KAZN: variants seen among roughly 807,000 people sequenced by gnomAD.
KAZN encodes kazrin, periplakin interacting protein, also known as kazrin.
A neutral mutation model predicts 87.4 loss-of-function variants in KAZN; 40 were observed. The ratio of observed to expected loss-of-function variants is 0.46; its 90% confidence interval spans 0.36 to 0.60. KAZN has a LOEUF of 0.60. KAZN is among the 20% of genes least tolerant of loss of function. KAZN has a pLI of 0.00. For missense variants in KAZN, 898 were observed against 1,073.9 expected, an observed-to-expected ratio of 0.84 and a Z score of 2.29; for synonymous variants, 466 against 458.3, an observed-to-expected ratio of 1.02 and a Z score of -0.22.
At chr1:14,701,405 A>G (rs763535685) in intron 1 of KAZN, among the ~76,000 whole-genome samples, 1 of 152,096 alleles carries the variant, frequency 6.6e-6, no homozygotes, top group Non-Finnish European at 1.5e-5. Flanking sequence ...TGTTGGGATT[A>G]CAGGCATGAG....
At chr1:14,951,270 G>A (rs1228101757) in intron 1 of KAZN, among the ~76,000 whole-genome samples, 2 of 152,048 alleles carry the variant, frequency 1.3e-5, no homozygotes, top group Non-Finnish European at 2.9e-5. Flanking sequence ...CCTGGGCAGT[G>A]GGCTCTGCCG....
chr1:14,385,427 CCTG>C (rs1661788612), intron 2 of KAZN, among the ~76,000 whole-genome samples: 1 of 152,042 alleles, frequency 6.6e-6, no homozygotes, highest in African/African-American at 2.4e-5. Context: ...TTGGATCTTT[CCTG>C]CTTTCTCTTG....
chr1:14,628,727 G>T (rs1679330400), intron 1 of KAZN, among the ~76,000 whole-genome samples: 1 of 152,146 alleles, frequency 6.6e-6, no homozygotes, highest in African/African-American at 2.4e-5. Context: ...CAGAGATGAG[G>T]AATCCAGAAA....
intron 2 of KAZN, among the ~76,000 whole-genome samples, chr1:14,503,829 G>C (rs1386634753): frequency 6.6e-6 from 1 of 152,124 alleles, no homozygotes. Flanking sequence ...GGGGCTCACT[G>C]CATTCCTCAG....
chr1:13,969,431 A>G (rs901775247), intron 1 of KAZN, among the ~76,000 whole-genome samples: 2 of 152,206 alleles, frequency 1.3e-5, no homozygotes, highest in African/African-American at 2.4e-5. Flanking sequence ...AGACTTTAGG[A>G]TGATGCCTCT....
At chr1:14,428,355 A>G (rs773645498) in intron 2 of KAZN, among the ~76,000 whole-genome samples, 1 of 152,162 alleles carries the variant, frequency 6.6e-6, no homozygotes, top group African/African-American at 2.4e-5. Flanking sequence ...ACTTTTTCTC[A>G]GCAGAAATCT....
At chr1:15,067,557 C>A in intron 8 of KAZN, 6 of 985,454 alleles carry the variant, frequency 6.1e-6, no homozygotes, top group Non-Finnish European at 7.2e-6. Context: ...CAACAGTAGT[C>A]GTGCTTTCTG....
intron 2 of KAZN, among the ~76,000 whole-genome samples, chr1:14,531,958 G>A (rs1489432784): frequency 1.3e-5 from 2 of 152,142 alleles, no homozygotes; most frequent in East Asian, 3.9e-4. Flanking sequence ...GGGATGTGCT[G>A]GACTCCCATC....
intron 1 of KAZN, among the ~76,000 whole-genome samples, chr1:14,748,374 A>G (rs927493148): frequency 1.3e-5 from 2 of 152,140 alleles, no homozygotes; most frequent in Non-Finnish European, 2.9e-5. Flanking sequence ...GCATCATCGC[A>G]TGGCTGGGAG....
At chr1:14,691,349 C>T (rs994095593) in intron 1 of KAZN, among the ~76,000 whole-genome samples, 6 of 152,198 alleles carry the variant, frequency 3.9e-5, no homozygotes, top group African/African-American at 1.2e-4. Context: ...CACATGCACA[C>T]AAACTCTACA....
At chr1:14,904,585 T>A (rs529641656) in intron 1 of KAZN, among the ~76,000 whole-genome samples, 84 of 152,316 alleles carry the variant, frequency 5.5e-4, no homozygotes, top group African/African-American at 2.0e-3. Flanking sequence ...GACAGGCCCG[T>A]GCGCCACATG....
At chr1:14,290,190 G>A (rs910170436) in intron 2 of KAZN, among the ~76,000 whole-genome samples, 1 of 152,112 alleles carries the variant, frequency 6.6e-6, no homozygotes, top group Non-Finnish European at 1.5e-5. Context: ...TCTTTGTGGT[G>A]TTCTCTGTAT....
At chr1:14,745,885 G>A (rs1050324536) in intron 1 of KAZN, among the ~76,000 whole-genome samples, 3 of 152,266 alleles carry the variant, frequency 2.0e-5, no homozygotes, top group Non-Finnish European at 2.9e-5. Flanking sequence ...CATTTGTCAC[G>A]AGTGGGCTTT....
intron 2 of KAZN, among the ~76,000 whole-genome samples, chr1:14,518,248 T>G (rs1671399877): frequency 7.3e-6 from 1 of 136,610 alleles, no homozygotes; most frequent in Non-Finnish European, 1.5e-5. Flanking sequence ...TGGCACAATC[T>G]CCACTGCAAC....
intron 2 of KAZN, among the ~76,000 whole-genome samples, chr1:14,227,318 G>A (rs1292715404): frequency 1.3e-5 from 2 of 152,150 alleles, no homozygotes; most frequent in African/African-American, 2.4e-5. Context: ...AAGGAGCACA[G>A]TGAGAATGGT....
intron 2 of KAZN, among the ~76,000 whole-genome samples, chr1:15,026,022 G>GAA (rs142511499): frequency 6.7e-6 from 1 of 149,918 alleles, no homozygotes; most frequent in African/African-American, 2.5e-5. Flanking sequence ...CTTTGAAACG[G>GAA]AAAAAAAAAC....
intron 1 of KAZN, among the ~76,000 whole-genome samples, chr1:14,839,572 T>G (rs1432963607): frequency 1.3e-5 from 2 of 152,166 alleles, no homozygotes; most frequent in Non-Finnish European, 2.9e-5. Context: ...AACCAAGATA[T>G]CCTTCCCTGT....
chr1:14,861,572 C>A (rs1261009367), intron 1 of KAZN, among the ~76,000 whole-genome samples: 1 of 152,170 alleles, frequency 6.6e-6, no homozygotes, highest in African/African-American at 2.4e-5. Flanking sequence ...CTATCCACCA[C>A]CATTCATTAC....
chr1:15,099,271 T>TTCAATCA lies in KAZN; in HGVS notation c.1548-2272_1548-2271insTCAATCA. Among the ~76,000 whole-genome samples the TTCAATCA allele has an allele frequency of 6.6e-6, 1 of 152,338 alleles. No individual in the cohort carries two copies. Among genetic ancestry groups the TTCAATCA allele is most frequent in the Admixed American group, 6.5e-5 (1 of 15,308 alleles). The stretch of plus-strand genomic sequence containing the variant: ...GGAAGCATTCAATCAGTGTCTACTG[T>TTCAATCA]GCACGTAGACTGTGCTGTTTGGCAG... On this transcript the variant is annotated intron_variant, in intron 10 of 14. Transcript: ENST00000376030. The surrounding 1 kb of genome is among the most constrained non-coding windows in gnomAD (Gnocchi z 5.4).
Sources: allele counts gnomAD v4.1 joint callset (sites outside exome capture counted in the v4.1 genomes callset), GRCh38; gene constraint gnomAD v4.1.1; non-coding constraint Gnocchi (gnomAD v3.1); transcripts MANE v1.5; gene names NCBI Gene and HGNC (gene_info 2026-07-23, HGNC 2026-07-21).